HHIP: variants seen among roughly 807,000 people sequenced by gnomAD.
HHIP encodes hedgehog interacting protein.
In HHIP, 12 loss-of-function variants were observed where a neutral mutation model predicts 74.0. The observed-to-expected ratio is 0.16, with a 90% CI of 0.10 to 0.26. HHIP has a LOEUF of 0.26. Among genes scored for constraint, HHIP ranks in the 10% least tolerant of loss-of-function variants. The probability of loss-of-function intolerance (pLI) is 1.00; values close to 1 mark genes in which losing one functional copy is unlikely to be tolerated. For synonymous variants in HHIP, 309 were observed against 311.6 expected (o/e 0.99, Z 0.09); for missense variants, 788 against 845.0 (o/e 0.93, Z 0.84).
intron 4 of HHIP, among the ~76,000 whole-genome samples, chr4:144,683,422 T>C (rs1469202792): frequency 1.3e-5 from 2 of 152,208 alleles, no homozygotes; most frequent in Non-Finnish European, 2.9e-5. Flanking sequence ...CCTTTTGTTT[T>C]AGGAATGGTA....
intron 4 of HHIP, among the ~76,000 whole-genome samples, chr4:144,662,140 T>A (rs1209358128): frequency 6.6e-6 from 1 of 152,192 alleles, no homozygotes; most frequent in Non-Finnish European, 1.5e-5. Context: ...TTTTAAAAAA[T>A]CTGGAATTCC....
At chr4:144,663,361 A>G (rs1407229727) in intron 4 of HHIP, among the ~76,000 whole-genome samples, 1 of 152,188 alleles carries the variant, frequency 6.6e-6, no homozygotes, top group Non-Finnish European at 1.5e-5. Flanking sequence ...CCAGGCATCA[A>G]TATGTTTTTA....
At chr4:144,714,142 C>T (rs1730378126) in intron 8 of HHIP, 83 bp from the exon 9 acceptor site, 1 of 1,197,328 alleles carries the variant, frequency 8.4e-7, no homozygotes, top group Non-Finnish European at 1.2e-6. Flanking sequence ...AGTTAAATTA[C>T]TATAGTAATT....
chr4:144,693,475 T>C (rs904521965), intron 4 of HHIP, among the ~76,000 whole-genome samples: 5 of 152,112 alleles, frequency 3.3e-5, no homozygotes, highest in African/African-American at 1.2e-4. Flanking sequence ...ATCTATCCTA[T>C]TGGAGAAACT....
In HHIP at chr4:144,696,306, G is replaced by T. The variant is rs72733543; in HGVS notation, c.832-10225G>T. 2.2e-3 allele frequency among the ~76,000 whole-genome samples: 330 copies of T among 151,598 alleles called. 3 individuals are homozygous for T. Among genetic ancestry groups the T allele is most frequent in the Middle Eastern group, 6.8e-3 (2 of 292 alleles). ...TTTTTCCCAAACAGGCCATTTACTGGCACAACACTACCTTAAAACCTAAAT... is the reference window on the plus strand; with the variant it reads ...TTTTTCCCAAACAGGCCATTTACTGTCACAACACTACCTTAAAACCTAAAT... On this transcript the variant is annotated intron_variant, in intron 4 of 12. Coordinates refer to ENST00000296575, the MANE Select transcript of HHIP (RefSeq NM_022475.3).
At chr4:144,717,141 A>G (rs907444839) in intron 10 of HHIP, among the ~76,000 whole-genome samples, 7 of 152,142 alleles carry the variant, frequency 4.6e-5, no homozygotes, top group Non-Finnish European at 8.8e-5. Context: ...TAAAATAAAT[A>G]CAGTTTCACT....
chr4:144,697,876 G>A (rs573190551), intron 4 of HHIP, among the ~76,000 whole-genome samples: 14 of 152,068 alleles, frequency 9.2e-5, no homozygotes, highest in East Asian at 3.9e-4. Flanking sequence ...CTTCCAATAC[G>A]TCCAATATCC....
chr4:144,705,323 G>C (rs945123915), intron 4 of HHIP, among the ~76,000 whole-genome samples: 4 of 152,206 alleles, frequency 2.6e-5, no homozygotes, highest in African/African-American at 9.6e-5. Context: ...AAAAACATGA[G>C]AGTGCTTCCA....
rs745345817 is a variant in HHIP at position 144,740,118 on chromosome 4, T to A, written c.*2161T>A. 1.3e-5 allele frequency: 2 copies of A among 152,202 alleles called. No individual in the cohort carries two copies. The highest frequency in any genetic ancestry group is 1.3e-4 in the Admixed American group (2 of 15,278). 9.4% of individuals were successfully genotyped at this position (152,202 alleles called of 1,614,324 possible). On this transcript the variant is annotated 3_prime_UTR_variant, in exon 13 of 13. Transcript: ENST00000296575. ...CCAGCTGTCTAAATCTGTCAAATCG[T>A]GCAGTTTTATTACACATTCTCCAAT...
intron 11 of HHIP, among the ~76,000 whole-genome samples, chr4:144,724,835 A>C (rs1336086438): frequency 6.6e-6 from 1 of 151,676 alleles, no homozygotes; most frequent in Non-Finnish European, 1.5e-5. Flanking sequence ...GATACTTAGA[A>C]TATCATCTTC....
intron 1 of HHIP, among the ~76,000 whole-genome samples, chr4:144,651,613 T>C (rs1728430263): frequency 6.6e-6 from 1 of 152,030 alleles, no homozygotes; most frequent in African/African-American, 2.4e-5. Flanking sequence ...TTCAATTCCA[T>C]TATGATGTTT....
intron 11 of HHIP, among the ~76,000 whole-genome samples, chr4:144,729,436 C>A (rs1730889611): frequency 6.6e-6 from 1 of 152,098 alleles, no homozygotes; most frequent in Admixed American, 6.6e-5. Context: ...AATTAATGGC[C>A]ACATTGATTC....
At chr4:144,689,236 T>G (rs1729578078) in intron 4 of HHIP, among the ~76,000 whole-genome samples, 1 of 152,228 alleles carries the variant, frequency 6.6e-6, no homozygotes, top group African/African-American at 2.4e-5. Context: ...ATCCAAAGTT[T>G]GAGCAATGGA....
Position 144,646,928 on chromosome 4 carries a change from C to T in HHIP, c.253C>T (p.Pro85Ser). Residue 85 changes from proline to serine, a missense_variant, in exon 1 of 13, where the codon CCG becomes TCG. This residue lies in a region of HHIP where 373 missense variants were observed against 366.4 expected (regional missense o/e 1.02). Coordinates refer to ENST00000296575, the MANE Select transcript of HHIP (RefSeq NM_022475.3). ...RLSCCLRSDS[P>S]GLGRLENKIF... ...GTCCTGCTGCCTGCGGAGTGACAGC[C>T]CGGGGCTAGGGCGCCTGGAGAATAA... 1 of 1,612,528 alleles carries T rather than the reference C, an allele frequency of 6.2e-7. No individual in the cohort carries two copies. Among genetic ancestry groups the T allele is most frequent in the Non-Finnish European group, 8.5e-7 (1 of 1,178,936 alleles).
intron 4 of HHIP, among the ~76,000 whole-genome samples, chr4:144,684,108 C>T (rs1729415960): frequency 6.6e-6 from 1 of 150,544 alleles, no homozygotes; most frequent in Non-Finnish European, 1.5e-5. Context: ...CGCAGTGACT[C>T]ACGCCTGTAA....
At chr4:144,734,504 T>G (rs1731051426) in intron 11 of HHIP, among the ~76,000 whole-genome samples, 1 of 152,126 alleles carries the variant, frequency 6.6e-6, no homozygotes. Flanking sequence ...TTGATCAGGA[T>G]AAAGTTTCTT....
intron 11 of HHIP, among the ~76,000 whole-genome samples, chr4:144,734,130 A>G (rs1731041396): frequency 6.6e-6 from 1 of 151,724 alleles, no homozygotes; most frequent in South Asian, 2.1e-4. Context: ...TGGAGTTTAA[A>G]CTTCAACTCA....
At chr4:144,723,209 A>C (rs1730686179) in intron 11 of HHIP, among the ~76,000 whole-genome samples, 1 of 152,130 alleles carries the variant, frequency 6.6e-6, no homozygotes, top group South Asian at 2.1e-4. Context: ...TACCCAACCA[A>C]GTCACACAGA....
At chr4:144,727,413 G>A (rs1404726085) in intron 11 of HHIP, among the ~76,000 whole-genome samples, 6 of 152,106 alleles carry the variant, frequency 3.9e-5, no homozygotes, top group Admixed American at 1.3e-4. Flanking sequence ...AGGGAAACAA[G>A]CAGTCCGTAA....
Sources: allele counts gnomAD v4.1 joint callset (sites outside exome capture counted in the v4.1 genomes callset), GRCh38; gene constraint gnomAD v4.1.1; regional missense constraint gnomAD v4.1.1; transcripts MANE v1.5; gene names NCBI Gene and HGNC (gene_info 2026-07-23, HGNC 2026-07-21).